CHD9: variants seen among roughly 807,000 people sequenced by gnomAD.
The protein encoded by CHD9 is ATP-dependent chromatin remodeler CHD9.
CHD9 carries 77 observed loss-of-function variants against 316.1 expected under a neutral mutation model. The observed-to-expected ratio is 0.24, with a 90% CI of 0.20 to 0.29. The LOEUF is 0.29. Among genes scored for constraint, CHD9 ranks in the 10% least tolerant of loss-of-function variants. The pLI is 1.00. For missense variants in CHD9, 2,763 were observed against 3,438.1 expected (o/e 0.80, Z 4.91); for synonymous variants, 1,129 against 1,158.3 (o/e 0.97, Z 0.51).
intron 37 of CHD9, among the ~76,000 whole-genome samples, chr16:53,319,485 G>A (rs140188106): frequency 7.6e-4 from 116 of 152,186 alleles, no homozygotes; most frequent in African/African-American, 2.7e-3. Context: ...AGCTTTTTCA[G>A]CTTTTGTTAG....
At chr16:53,057,774 A>C (rs945203271) in intron 1 of CHD9, among the ~76,000 whole-genome samples, 2 of 152,244 alleles carry the variant, frequency 1.3e-5, no homozygotes, top group Admixed American at 1.3e-4. Context: ...TGAGTCACCC[A>C]ACGTGCACAT....
intron 2 of CHD9, among the ~76,000 whole-genome samples, chr16:53,180,825 G>A (rs1398359453): frequency 1.3e-5 from 2 of 151,552 alleles, no homozygotes; most frequent in Non-Finnish European, 2.9e-5. Context: ...ACAGGCGCCC[G>A]CCACCACGCC....
At chr16:53,105,874 A>C (rs2152575771) in intron 1 of CHD9, among the ~76,000 whole-genome samples, 1 of 143,736 alleles carries the variant, frequency 7.0e-6, no homozygotes, top group South Asian at 2.2e-4. Context: ...CTCAGGCTGG[A>C]GTGCAATAGC....
intron 34 of CHD9, among the ~76,000 whole-genome samples, chr16:53,310,372 TG>T (rs1430175984): frequency 3.9e-5 from 6 of 152,100 alleles, no homozygotes; most frequent in Non-Finnish European, 8.8e-5. Context: ...AGATAAGCTG[TG>T]CGTTCTTTTG....
chr16:53,124,904 G>A (rs1332151786), intron 1 of CHD9, among the ~76,000 whole-genome samples: 2 of 152,112 alleles, frequency 1.3e-5, no homozygotes, highest in East Asian at 1.9e-4. Context: ...TTTTGGGTGG[G>A]GACACAGTCA....
chr16:53,171,576 G>A (rs988016767), intron 2 of CHD9, among the ~76,000 whole-genome samples: 55 of 152,002 alleles, frequency 3.6e-4, no homozygotes, highest in Non-Finnish European at 2.6e-4. Context: ...AGGACCAGAC[G>A]CTGTGGCTCA....
At chr16:53,280,208 A>G (rs1192421896) in intron 24 of CHD9, among the ~76,000 whole-genome samples, 1 of 152,218 alleles carries the variant, frequency 6.6e-6, no homozygotes, top group African/African-American at 2.4e-5. Context: ...TATATTAAAA[A>G]CATACTTGCT....
intron 2 of CHD9, among the ~76,000 whole-genome samples, chr16:53,184,179 C>T (rs949239439): frequency 2.7e-4 from 41 of 152,030 alleles, no homozygotes; most frequent in Admixed American, 1.3e-3. Context: ...CTCCTGACCT[C>T]GTGATCCTGG....
At chr16:53,187,168 A>G (rs1040592784) in intron 2 of CHD9, among the ~76,000 whole-genome samples, 1 of 152,216 alleles carries the variant, frequency 6.6e-6, no homozygotes, top group African/African-American at 2.4e-5. Flanking sequence ...CAACAAAGTG[A>G]TAAGTGATAG....
chr16:53,325,203 C>T lies in CHD9; in HGVS notation c.*308C>T, dbSNP rs1360084144. 9.6e-6 allele frequency: 2 copies of T among 209,416 alleles called. No homozygotes were observed. Among genetic ancestry groups the T allele is most frequent in the African/African-American group, 2.3e-5 (1 of 43,264 alleles). 13.0% of individuals were successfully genotyped at this position (209,416 alleles called of 1,614,324 possible). On this transcript the variant is annotated 3_prime_UTR_variant, in exon 39 of 39. Coordinates refer to ENST00000447540, the MANE Select transcript of CHD9 (RefSeq NM_001308319.2). ...AAGAGTTGTATATTTAATATATTTGCAGTGAACACAGAATACTTTATGCAT... is the reference window on the plus strand; with the variant it reads ...AAGAGTTGTATATTTAATATATTTGTAGTGAACACAGAATACTTTATGCAT...
intron 2 of CHD9, among the ~76,000 whole-genome samples, chr16:53,182,563 CA>C (rs1164160459): frequency 6.6e-6 from 1 of 152,096 alleles, no homozygotes; most frequent in Non-Finnish European, 1.5e-5. Context: ...TCATTTGATA[CA>C]AAAGTATCTT....
chr16:53,070,477 TTTC>T (rs1214352775), intron 1 of CHD9, among the ~76,000 whole-genome samples: 7 of 149,140 alleles, frequency 4.7e-5, no homozygotes, highest in Admixed American at 4.0e-4. Context: ...CATGTCTTTC[TTTC>T]TTTCTTTCTT....
At chr16:53,080,621 T>G (rs2034937950) in intron 1 of CHD9, among the ~76,000 whole-genome samples, 1 of 152,208 alleles carries the variant, frequency 6.6e-6, no homozygotes, top group Non-Finnish European at 1.5e-5. Context: ...AAGCTGGGTT[T>G]GACTGAATGA....
chr16:53,313,947 C>T (rs1247156027), intron 34 of CHD9, among the ~76,000 whole-genome samples: 9 of 146,036 alleles, frequency 6.2e-5, no homozygotes, highest in Admixed American at 1.4e-4. Context: ...AGCAAGACTC[C>T]GTCTCCAAAA....
intron 16 of CHD9, among the ~76,000 whole-genome samples, chr16:53,248,533 T>G (rs541263410): frequency 5.4e-5 from 8 of 146,984 alleles, no homozygotes; most frequent in South Asian, 2.2e-4. Flanking sequence ...TTTGTTTTTT[T>G]TTTTTTTTTG....
chr16:53,309,065 G>T (rs1295495803), intron 34 of CHD9, among the ~76,000 whole-genome samples: 1 of 152,046 alleles, frequency 6.6e-6, no homozygotes, highest in Non-Finnish European at 1.5e-5. Context: ...TTCATTTTGG[G>T]GCCTAGAGTA....
chr16:53,159,985 T>G (rs2041797797), intron 2 of CHD9, among the ~76,000 whole-genome samples: 1 of 152,210 alleles, frequency 6.6e-6, no homozygotes, highest in South Asian at 2.1e-4. Context: ...GTAGAAACAT[T>G]TAAAAGACAC....
chr16:53,136,643 T>C (rs1199390153), intron 1 of CHD9, among the ~76,000 whole-genome samples: 2 of 152,076 alleles, frequency 1.3e-5, no homozygotes, highest in African/African-American at 4.8e-5. Flanking sequence ...ACAGAGAAAC[T>C]GAGTTGCCCG....
chr16:53,150,939 G>A (rs1287886815), intron 1 of CHD9, among the ~76,000 whole-genome samples: 2 of 151,966 alleles, frequency 1.3e-5, no homozygotes, highest in African/African-American at 2.4e-5. Flanking sequence ...AATGTGTTAC[G>A]ATGTGATCTC....
Sources: gnomAD v4.1 joint callset for allele counts (sites outside exome capture counted in the v4.1 genomes callset) on GRCh38, gnomAD v4.1.1 for gene constraint, MANE v1.5 for transcripts, NCBI Gene and HGNC (gene_info 2026-07-23, HGNC 2026-07-21) for gene names.